Variants in ATRNL1 observed in about 807,000 individuals in gnomAD.
The protein encoded by ATRNL1 is attractin like 1.
ATRNL1 carries 95 observed loss-of-function variants against 182.7 expected under a neutral mutation model. The observed-to-expected ratio is 0.52, with a 90% confidence interval of 0.44 to 0.62. The LOEUF is 0.62. ATRNL1 is among the 20% of genes least tolerant of loss of function. The pLI is 0.00. For missense variants in ATRNL1, 1,471 were observed against 1,679.5 expected, an observed-to-expected ratio of 0.88 and a Z score of 2.17; for synonymous variants, 576 against 568.3, an observed-to-expected ratio of 1.01 and a Z score of -0.19.
intron 26 of ATRNL1, among the ~76,000 whole-genome samples, chr10:115,652,961 T>C (rs1442778628): frequency 8.5e-5 from 13 of 152,162 alleles, no homozygotes; most frequent in Admixed American, 7.9e-4. Context: ...TAGTTTCTAG[T>C]TAAAAACTAG....
chr10:115,549,156 T>G (rs1314147754), intron 25 of ATRNL1, among the ~76,000 whole-genome samples: 1 of 152,008 alleles, frequency 6.6e-6, no homozygotes, highest in African/African-American at 2.4e-5. Context: ...TCTAAATAGA[T>G]TTTGGTTGTG....
chr10:115,895,678 G>A (rs1952188815), intron 28 of ATRNL1, among the ~76,000 whole-genome samples: 1 of 152,122 alleles, frequency 6.6e-6, no homozygotes, highest in Non-Finnish European at 1.5e-5. Context: ...CGGACCCGGT[G>A]GTCAAAGATG....
chr10:115,582,837 TG>T (rs1292657373), intron 26 of ATRNL1, among the ~76,000 whole-genome samples: 1 of 149,886 alleles, frequency 6.7e-6, no homozygotes, highest in Non-Finnish European at 1.5e-5. Context: ...ATGTCCTGAA[TG>T]GTAAAGCCTA....
chr10:115,135,825 A>G (rs1845483874), intron 5 of ATRNL1, among the ~76,000 whole-genome samples: 1 of 152,096 alleles, frequency 6.6e-6, no homozygotes, highest in South Asian at 2.1e-4. Context: ...TCTTTTGCTT[A>G]ACCTACCTGG....
intron 3 of ATRNL1, among the ~76,000 whole-genome samples, chr10:115,123,023 T>C (rs1554872218): frequency 6.6e-6 from 1 of 152,202 alleles, no homozygotes; most frequent in East Asian, 1.9e-4. Context: ...TGCCTGTTCA[T>C]TTGTTTGTCT....
intron 19 of ATRNL1, among the ~76,000 whole-genome samples, chr10:115,335,237 T>G (rs1554936346): frequency 6.6e-6 from 1 of 152,208 alleles, no homozygotes; most frequent in Non-Finnish European, 1.5e-5. Context: ...ACTTGTCTTT[T>G]AAATTTTTAA....
At chr10:115,462,884 A>G in intron 22 of ATRNL1, among the ~76,000 whole-genome samples, 1 of 152,042 alleles carries the variant, frequency 6.6e-6, no homozygotes, top group East Asian at 1.9e-4. Context: ...TGTCGAAATA[A>G]CACACATATT....
chr10:115,094,545 A>T (rs776429687), intron 1 of ATRNL1, among the ~76,000 whole-genome samples: 1 of 152,166 alleles, frequency 6.6e-6, no homozygotes, highest in Non-Finnish European at 1.5e-5. Flanking sequence ...TTTAGTCATC[A>T]TAGTGATGTT....
intron 9 of ATRNL1, among the ~76,000 whole-genome samples, chr10:115,218,210 G>C (rs114099508): frequency 0.012 from 1,762 of 151,718 alleles, 33 homozygotes; most frequent in African/African-American, 0.039. Context: ...GGGAGACAGT[G>C]ACACCGAAAG....
rs7913749 is a variant in ATRNL1 at position 115,204,646 on chromosome 10, A to G, written c.1349-11051A>G. Among the ~76,000 whole-genome samples the G allele has an allele frequency of 5.1e-3, 783 of 152,060 alleles. 8 individuals carry two copies. The highest frequency in any genetic ancestry group is 0.018 in the African/African-American group (749 of 41,466). On this transcript the variant is annotated intron_variant, in intron 8 of 28. Transcript: ENST00000355044. ...TCTTTGGGATATATCCCATTTTATC[A>G]CAGTGAATTATTCTTTTACTGTGAT...
At chr10:115,136,335 A>G (rs1197544536) in intron 5 of ATRNL1, among the ~76,000 whole-genome samples, 1 of 152,210 alleles carries the variant, frequency 6.6e-6, no homozygotes, top group African/African-American at 2.4e-5. Flanking sequence ...CAGAAGGTAC[A>G]GAGAATTCCC....
intron 24 of ATRNL1, among the ~76,000 whole-genome samples, chr10:115,501,261 C>A (rs114103766): frequency 0.022 from 3,378 of 152,074 alleles, 112 homozygotes; most frequent in African/African-American, 0.074. Flanking sequence ...AAGCTGTGCC[C>A]AGCCATGGAT....
intron 18 of ATRNL1, among the ~76,000 whole-genome samples, chr10:115,332,422 T>C (rs945098791): frequency 6.6e-6 from 1 of 152,232 alleles, no homozygotes; most frequent in Non-Finnish European, 1.5e-5. Flanking sequence ...GAGAAACCTA[T>C]TTTGCTGTTT....
At chr10:115,347,351 G>T (rs1592495931) in intron 19 of ATRNL1, among the ~76,000 whole-genome samples, 1 of 151,926 alleles carries the variant, frequency 6.6e-6, no homozygotes, top group Non-Finnish European at 1.5e-5. Context: ...TGATGTGATG[G>T]GTAAAAGTCA....
At chr10:115,122,599 A>G (rs1844792760) in intron 3 of ATRNL1, among the ~76,000 whole-genome samples, 1 of 151,846 alleles carries the variant, frequency 6.6e-6, no homozygotes, top group Non-Finnish European at 1.5e-5. Context: ...CCTTCAAAAT[A>G]TTTTCTTTCC....
chr10:115,454,672 T>A (rs1201083139), intron 21 of ATRNL1, among the ~76,000 whole-genome samples: 2 of 152,220 alleles, frequency 1.3e-5, no homozygotes, highest in African/African-American at 4.8e-5. Context: ...GTAAGAATGT[T>A]TTCTTTAATT....
chr10:115,233,385 A>T (rs1850041433), intron 9 of ATRNL1, among the ~76,000 whole-genome samples: 1 of 152,084 alleles, frequency 6.6e-6, no homozygotes, highest in South Asian at 2.1e-4. Context: ...TATTACTCTT[A>T]TGTCTAACAG....
rs201592273 is a variant in ATRNL1, at chr10:115,759,269, C to T, written c.3903+31914C>T. 1.4e-4 allele frequency among the ~76,000 whole-genome samples: 21 copies of T among 152,274 alleles called. No individual in the cohort carries two copies. In the East Asian group the frequency reaches 3.7e-3, roughly 27 times the overall value. On this transcript the variant is annotated intron_variant, in intron 27 of 28. Coordinates refer to ENST00000355044, the MANE Select transcript of ATRNL1 (RefSeq NM_207303.4). ...GTTTCTCAACTAGTGACACTAGTGA[C>T]AGTTTGCACTAGTGAATACATATTT...
At chr10:115,814,056 AAAATTT>A (rs1186574565) in intron 27 of ATRNL1, among the ~76,000 whole-genome samples, 1 of 152,118 alleles carries the variant, frequency 6.6e-6, no homozygotes, top group African/African-American at 2.4e-5. Context: ...TTATGGAAAG[AAAATTT>A]AAATTATGTC....
Sources: allele counts gnomAD v4.1 joint callset (sites outside exome capture counted in the v4.1 genomes callset), GRCh38; gene constraint gnomAD v4.1.1; transcripts MANE v1.5; gene names NCBI Gene and HGNC (gene_info 2026-07-23, HGNC 2026-07-21).